UBE2V2: variants seen among roughly 807,000 people sequenced by gnomAD.
UBE2V2 encodes the protein ubiquitin-conjugating enzyme E2 variant 2.
In UBE2V2, 9 loss-of-function variants were observed where a neutral mutation model predicts 17.2. The ratio of observed to expected loss-of-function variants is 0.52; its 90% CI spans 0.32 to 0.91. The LOEUF (loss-of-function observed/expected upper bound fraction) is 0.91. Ranked by LOEUF, UBE2V2 falls within the 40% of genes least tolerant of loss-of-function variation. The pLI is 0.04. For synonymous variants in UBE2V2, 61 were observed against 57.5 expected, an observed-to-expected ratio of 1.06 and a Z score of -0.28; for missense variants, 133 against 182.6, an observed-to-expected ratio of 0.73 and a Z score of 1.56.
At chr8:48,027,980 A>C (rs575301582) in intron 1 of UBE2V2, among the ~76,000 whole-genome samples, 1 of 151,710 alleles carries the variant, frequency 6.6e-6, no homozygotes, top group East Asian at 1.9e-4. Flanking sequence ...CAACCTCCCA[A>C]GTAGCTGGGA....
At chr8:48,043,787 T>G (rs537152739) in intron 2 of UBE2V2, among the ~76,000 whole-genome samples, 3 of 152,358 alleles carry the variant, frequency 2.0e-5, no homozygotes, top group African/African-American at 4.8e-5. Context: ...GGTCTCAGCT[T>G]CTTCATCTAT....
chr8:48,016,438 T>G (rs1346151752), intron 1 of UBE2V2, among the ~76,000 whole-genome samples: 1 of 152,112 alleles, frequency 6.6e-6, no homozygotes, highest in Admixed American at 6.6e-5. Flanking sequence ...AACAGCATGC[T>G]TAGATTATCC....
rs189942750 is a variant in UBE2V2 at position 48,019,771 on chromosome 8, C to T, written c.16+11301C>T. Among the ~76,000 whole-genome samples, 286 of 151,778 alleles carry T rather than the reference C, an allele frequency of 1.9e-3. 1 individual carries two copies. Among genetic ancestry groups the T allele is most frequent in the Non-Finnish European group, 3.1e-3 (209 of 67,942 alleles). On this transcript the variant is annotated intron_variant, in intron 1 of 3. Coordinates refer to ENST00000523111, the MANE Select transcript of UBE2V2 (RefSeq NM_003350.3). ...TGGAGGCTGCAGTGAGCCGAGATTG[C>T]GCCACTGCACTTCAGCCTGGGTGAC...
chr8:48,034,497 T>C (rs914545274), intron 1 of UBE2V2, among the ~76,000 whole-genome samples: 3 of 152,112 alleles, frequency 2.0e-5, no homozygotes, highest in Admixed American at 1.3e-4. Context: ...TTTGGATCCA[T>C]ACTGATGTAT....
chr8:48,059,201 C>T (rs1379432079), intron 3 of UBE2V2, among the ~76,000 whole-genome samples: 2 of 151,572 alleles, frequency 1.3e-5, no homozygotes, highest in Non-Finnish European at 2.9e-5. Flanking sequence ...TCCCAAAGTG[C>T]TAGGATTACA....
At chr8:48,008,868 C>A (rs1202505482) in intron 1 of UBE2V2, among the ~76,000 whole-genome samples, 1 of 152,166 alleles carries the variant, frequency 6.6e-6, no homozygotes, top group East Asian at 1.9e-4. Context: ...ATGGGTCAGG[C>A]CAAGAGGTGT....
chr8:48,050,134 G>T, intron 3 of UBE2V2, 156 bp downstream of exon 3: 2 of 487,326 alleles, frequency 4.1e-6, no homozygotes, highest in Non-Finnish European at 3.3e-6. Flanking sequence ...AAAGAAGGTT[G>T]CATTATGTTG....
chr8:48,018,083 C>T (rs761598272), intron 1 of UBE2V2, among the ~76,000 whole-genome samples: 14 of 151,898 alleles, frequency 9.2e-5, no homozygotes, highest in South Asian at 4.2e-4. Context: ...GTGATCCACA[C>T]GCCTCGGCCT....
At chr8:48,043,223 T>G (rs12680284) in intron 2 of UBE2V2, 42 bp downstream of exon 2, 1 of 1,340,100 alleles carries the variant, frequency 7.5e-7, no homozygotes, top group Non-Finnish European at 9.8e-7. Context: ...ATACTTATTG[T>G]TAAAGTTAGC....
intron 2 of UBE2V2, among the ~76,000 whole-genome samples, chr8:48,047,436 T>G (rs2091507247): frequency 6.6e-6 from 1 of 152,212 alleles, no homozygotes; most frequent in Non-Finnish European, 1.5e-5. Flanking sequence ...GAGAATTAAG[T>G]GAAATAATGA....
At chr8:48,001,154 G>A in the UBE2V2 span, among the ~76,000 whole-genome samples, 11 of 152,108 alleles carry the variant, frequency 7.2e-5, no homozygotes. Context: ...CAAAGTAACC[G>A]ACAATTAGGG....
At chr8:48,014,765 TG>T (rs2091256973) in intron 1 of UBE2V2, among the ~76,000 whole-genome samples, 1 of 148,386 alleles carries the variant, frequency 6.7e-6, no homozygotes, top group Non-Finnish European at 1.5e-5. Context: ...AAAAAAAGCT[TG>T]TTGGCTGGGC....
upstream of UBE2V2, among the ~76,000 whole-genome samples, chr8:48,004,639 C>A (rs549022912): frequency 6.6e-6 from 1 of 150,672 alleles, no homozygotes; most frequent in African/African-American, 2.4e-5. Flanking sequence ...TCAAGCAATT[C>A]TCTGCCTCAG....
At chr8:48,001,965 T>C in the UBE2V2 span, among the ~76,000 whole-genome samples, 4 of 152,080 alleles carry the variant, frequency 2.6e-5, no homozygotes, top group Non-Finnish European at 4.4e-5. Flanking sequence ...GGCGCATGCC[T>C]GTAATCCCAG....
rs898381364 is a variant in UBE2V2 at position 48,062,990 on chromosome 8, T to A, written c.*2162T>A. ...AATGGTAACTGATGATCTGAATCCGTCTCTCTGATAACCTCCTTTCCATTT... is the reference window on the plus strand; with the variant it reads ...AATGGTAACTGATGATCTGAATCCGACTCTCTGATAACCTCCTTTCCATTT... On this transcript the variant is annotated 3_prime_UTR_variant, in exon 4 of 4. Transcript: ENST00000523111. 1.3e-5 allele frequency: 2 copies of A among 152,214 alleles called. No homozygotes were observed. The highest frequency in any genetic ancestry group is 2.4e-5 in the African/African-American group (1 of 41,462). 9.4% of individuals were successfully genotyped at this position (152,214 alleles called of 1,614,324 possible). A position where few individuals can be genotyped will look rare whatever the true frequency, so the allele number is the denominator to read the frequency against.
At chr8:48,026,708 T>G (rs539537182) in intron 1 of UBE2V2, among the ~76,000 whole-genome samples, 2 of 152,218 alleles carry the variant, frequency 1.3e-5, no homozygotes, top group South Asian at 4.1e-4. Context: ...CTTAGCGTAA[T>G]GTTTTTAAGG....
At chr8:48,038,048 C>G (rs1367304726) in intron 1 of UBE2V2, among the ~76,000 whole-genome samples, 1 of 152,210 alleles carries the variant, frequency 6.6e-6, no homozygotes, top group Non-Finnish European at 1.5e-5. Flanking sequence ...AGCATTCTCT[C>G]TCTCTTTTGT....
At chr8:47,998,834 G>A in the UBE2V2 span, among the ~76,000 whole-genome samples, 1 of 152,122 alleles carries the variant, frequency 6.6e-6, no homozygotes, top group African/African-American at 2.4e-5. Context: ...TTATTAACCT[G>A]CCGGCTGACC....
intron 1 of UBE2V2, among the ~76,000 whole-genome samples, chr8:48,028,794 C>G (rs2091364036): frequency 6.6e-6 from 1 of 152,240 alleles, no homozygotes; most frequent in Middle Eastern, 3.4e-3. Context: ...CCCCTTTACC[C>G]ATTTTTAAAT....
Sources: allele counts gnomAD v4.1 joint callset (sites outside exome capture counted in the v4.1 genomes callset), GRCh38; gene constraint gnomAD v4.1.1; transcripts MANE v1.5; gene names NCBI Gene and HGNC (gene_info 2026-07-23, HGNC 2026-07-21).